Variants in FUCA2 observed in about 807,000 individuals in gnomAD.
FUCA2 encodes the protein alpha-L-fucosidase 2, also known as plasma alpha-L-fucosidase.
FUCA2 carries 41 observed loss-of-function variants against 52.6 expected under a neutral mutation model. The ratio of observed to expected loss-of-function variants is 0.78; its 90% CI spans 0.61 to 1.01. The LOEUF (loss-of-function observed/expected upper bound fraction) is 1.01, where lower values mean the gene tolerates loss of function less well. Ranked by LOEUF, FUCA2 falls within the 50% of genes least tolerant of loss-of-function variation. The probability of loss-of-function intolerance (pLI) is 0.00; values close to 1 mark genes in which losing one functional copy is unlikely to be tolerated. For missense variants in FUCA2, 507 were observed against 569.5 expected (o/e 0.89, Z 1.12); for synonymous variants, 211 against 217.3 (o/e 0.97, Z 0.26).
chr6:143,495,545 T>A lies in FUCA2; in HGVS notation c.*162A>T. On this transcript the variant is annotated 3_prime_UTR_variant, in exon 7 of 7. Transcript: ENST00000002165. The surrounding 1 kb of genome is among the most constrained non-coding windows in gnomAD (Gnocchi z 5.2). Reference sequence around the variant, plus strand: ...TGGAGAGTTAAAATGGTTACATGGGTAATTTAAGAAAAAATTTAGTGGGAA... The same window carrying A: ...TGGAGAGTTAAAATGGTTACATGGGAAATTTAAGAAAAAATTTAGTGGGAA... The A allele has an allele frequency of 1.6e-6, 1 of 639,262 alleles. No homozygotes were observed. 39.6% of individuals were successfully genotyped at this position (639,262 alleles called of 1,614,324 possible). A position where few individuals can be genotyped will look rare whatever the true frequency, so the allele number is the denominator to read the frequency against.
intron 5 of FUCA2, among the ~76,000 whole-genome samples, chr6:143,498,182 T>G (rs1370934038): frequency 1.3e-5 from 2 of 149,404 alleles, no homozygotes; most frequent in Non-Finnish European, 3.0e-5. Context: ...AAAAAAAAAG[T>G]GGATTTCATT....
intron 6 of FUCA2, among the ~76,000 whole-genome samples, chr6:143,496,108 A>C (rs17072691): frequency 0.018 from 2,795 of 152,244 alleles, 109 homozygotes; most frequent in South Asian, 0.075. Flanking sequence ...GACTGAATGG[A>C]GTCTCAGAGT....
rs1346986494 is a variant in FUCA2 at position 143,499,568 on chromosome 6, G to A, written c.1155-2071C>T. Among the ~76,000 whole-genome samples, 1 of 152,086 alleles carries A rather than the reference G, an allele frequency of 6.6e-6. No individual in the cohort carries two copies. The highest frequency in any genetic ancestry group is 6.6e-5 in the Admixed American group (1 of 15,256). ...ATGGAAGTCCAAAGACTAAACCTCAGGGCACTTCAAGATTTAGAGGTTGGA... is the reference window on the plus strand; with the variant it reads ...ATGGAAGTCCAAAGACTAAACCTCAAGGCACTTCAAGATTTAGAGGTTGGA... On this transcript the variant is annotated intron_variant, in intron 5 of 6. Transcript: ENST00000002165. The surrounding 1 kb of genome is among the most constrained non-coding windows in gnomAD (Gnocchi z 6.0).
chr6:143,501,686 C>A lies in FUCA2; in HGVS notation c.1154+246G>T, dbSNP rs1365110089. On this transcript the variant is annotated intron_variant, in intron 5 of 6. Transcript: ENST00000002165. The surrounding 1 kb of genome is among the most constrained non-coding windows in gnomAD (Gnocchi z 6.1). ...TTTTCTAAGAGCTGAGTACTTTCAG[C>A]CAAAATTTGTCCACTACTGGGAGAT... 1.3e-5 allele frequency among the ~76,000 whole-genome samples: 2 copies of A among 152,140 alleles called. No individual in the cohort carries two copies. The highest frequency in any genetic ancestry group is 3.8e-4 in the East Asian group (2 of 5,204).
Position 143,503,618 on chromosome 6 carries a change from G to C in FUCA2, c.752+295C>G, listed in dbSNP as rs1488552305. ...CAGAATAGAGGCCATAAAGGACCAG[G>C]GTAGGAGAGAAAAAGGGGGGACCCA... On this transcript the variant is annotated intron_variant, in intron 3 of 6. Transcript: ENST00000002165. This position sits in a 1 kb window ranked among gnomAD's most constrained non-coding sequence, Gnocchi z 4.8. 1.0e-5 allele frequency: 3 copies of C among 301,454 alleles called. No individual in the cohort carries two copies. The highest frequency in any genetic ancestry group is 1.9e-5 in the Non-Finnish European group (3 of 161,706). 18.7% of individuals were successfully genotyped at this position (301,454 alleles called of 1,614,324 possible).
rs1209704395 is a variant in FUCA2 at position 143,510,764 on chromosome 6, T to C, written c.224+647A>G. 6.6e-6 allele frequency among the ~76,000 whole-genome samples: 1 copy of C among 152,168 alleles called. No homozygotes were observed. The highest frequency in any genetic ancestry group is 1.5e-5 in the Non-Finnish European group (1 of 68,030). Reference sequence around the variant, plus strand: ...AAGACATGTGCAACAGTTTAAGAAATTACATGCACATTTTCACATAGATCT... The same window carrying C: ...AAGACATGTGCAACAGTTTAAGAAACTACATGCACATTTTCACATAGATCT... On this transcript the variant is annotated intron_variant, in intron 1 of 6. Transcript: ENST00000002165. This position sits in a 1 kb window ranked among gnomAD's most constrained non-coding sequence, Gnocchi z 4.4.
chr6:143,503,204 A>T lies in FUCA2; in HGVS notation c.753-639T>A, dbSNP rs1256496555. ...TCCCTTGGAAGGAGTACCTGGACACACTGCTGTTTTAAGTATCAAGAGTTC... is the reference window on the plus strand; with the variant it reads ...TCCCTTGGAAGGAGTACCTGGACACTCTGCTGTTTTAAGTATCAAGAGTTC... On this transcript the variant is annotated intron_variant, in intron 3 of 6. Coordinates refer to ENST00000002165, the MANE Select transcript of FUCA2 (RefSeq NM_032020.5). This position sits in a 1 kb window ranked among gnomAD's most constrained non-coding sequence, Gnocchi z 4.8. 1 of 152,600 alleles carries T rather than the reference A, an allele frequency of 6.6e-6. No individual in the cohort carries two copies. Among genetic ancestry groups the T allele is most frequent in the Non-Finnish European group, 1.5e-5 (1 of 68,374 alleles). The allele number at this position is 152,600 out of a possible 1,614,324, so 9.5% of individuals were successfully genotyped here. A position where few individuals can be genotyped will look rare whatever the true frequency, so the allele number is the denominator to read the frequency against.
chr6:143,503,705 C>T lies in FUCA2; in HGVS notation c.752+208G>A. 4.1e-6 allele frequency: 2 copies of T among 483,316 alleles called. No homozygotes were observed. The highest frequency in any genetic ancestry group is 7.3e-6 in the Non-Finnish European group (2 of 275,586). The allele number at this position is 483,316 out of a possible 1,614,324, so 29.9% of individuals were successfully genotyped here. A position where few individuals can be genotyped will look rare whatever the true frequency, so the allele number is the denominator to read the frequency against. The stretch of plus-strand genomic sequence containing the variant: ...TTTTAGTCTGATCTCAAAATCAGAC[C>T]ATTGAGTTGGATTTTACTCCTGATT... On this transcript the variant is annotated intron_variant, in intron 3 of 6. Coordinates refer to ENST00000002165, the MANE Select transcript of FUCA2 (RefSeq NM_032020.5). This position sits in a 1 kb window ranked among gnomAD's most constrained non-coding sequence, Gnocchi z 4.8.
intron 6 of FUCA2, chr6:143,496,778 G>A (rs1014242365): frequency 3.3e-5 from 5 of 152,190 alleles, no homozygotes; most frequent in Middle Eastern, 3.4e-3. Flanking sequence ...GAAAGCATCC[G>A]AATTCTAGTT....
In FUCA2 at chr6:143,497,381, C is replaced by A. The variant is rs1472932999; in HGVS notation, c.1263+8G>T. ...AATTTAAAGGAATAAGGTAAAATTC[C>A]CTCTTACCTCTGTTGCCCCCAGAAT... On this transcript the variant is annotated splice_region_variant and intron_variant, in intron 6 of 6. Coordinates refer to ENST00000002165, the MANE Select transcript of FUCA2 (RefSeq NM_032020.5). This position sits in a 1 kb window ranked among gnomAD's most constrained non-coding sequence, Gnocchi z 5.3. 2.6e-6 allele frequency: 4 copies of A among 1,555,048 alleles called. No individual in the cohort carries two copies. Among genetic ancestry groups the A allele is most frequent in the Non-Finnish European group, 3.6e-6 (4 of 1,126,398 alleles).
Position 143,509,262 on chromosome 6 carries a change from T to G in FUCA2, c.225-1838A>C, listed in dbSNP as rs1358243118. 2.6e-5 allele frequency among the ~76,000 whole-genome samples: 4 copies of G among 152,206 alleles called. No homozygotes were observed. Among genetic ancestry groups the G allele is most frequent in the Non-Finnish European group, 5.9e-5 (4 of 68,034 alleles). ...CAGTCACATATACTCATCTATACTGTTGATTCCCCGAAAGTCAAATTGAGA... is the reference window on the plus strand; with the variant it reads ...CAGTCACATATACTCATCTATACTGGTGATTCCCCGAAAGTCAAATTGAGA... On this transcript the variant is annotated intron_variant, in intron 1 of 6. Coordinates refer to ENST00000002165, the MANE Select transcript of FUCA2 (RefSeq NM_032020.5). The surrounding 1 kb of genome is among the most constrained non-coding windows in gnomAD (Gnocchi z 5.4).
rs1780469143 is a variant in FUCA2 at position 143,497,010 on chromosome 6, G to A, written c.1263+379C>T. The A allele has an allele frequency of 6.4e-6, 1 of 155,454 alleles. No individual in the cohort carries two copies. 9.6% of individuals were successfully genotyped at this position (155,454 alleles called of 1,614,324 possible). On this transcript the variant is annotated intron_variant, in intron 6 of 6. Coordinates refer to ENST00000002165, the MANE Select transcript of FUCA2 (RefSeq NM_032020.5). The surrounding 1 kb of genome is among the most constrained non-coding windows in gnomAD (Gnocchi z 5.3). ...TTTTATTTTATTTTTTCAGAGACAG[G>A]CTGAAGTGGTGCAGTCATAGCTTAC...
intron 2 of FUCA2, chr6:143,505,246 T>C (rs1293525948): frequency 6.6e-6 from 1 of 151,998 alleles, no homozygotes; most frequent in Non-Finnish European, 1.5e-5. Flanking sequence ...ATAAGGTACA[T>C]TTGGTGAAAC....
chr6:143,497,329 T>A lies in FUCA2; in HGVS notation c.1263+60A>T, dbSNP rs148807439. On this transcript the variant is annotated intron_variant, in intron 6 of 6. Transcript: ENST00000002165. This position sits in a 1 kb window ranked among gnomAD's most constrained non-coding sequence, Gnocchi z 5.3. ...TTATAAGGCTCCCCTTAAAAGTTAA[T>A]GTTTGCATCAAGATGTTCTAATCAG... 8.3e-5 allele frequency: 89 copies of A among 1,067,408 alleles called. No individual in the cohort carries two copies. In the Middle Eastern group the frequency reaches 3.2e-3, roughly 38 times the overall value. The allele number at this position is 1,067,408 out of a possible 1,614,324, so 66.1% of individuals were successfully genotyped here.
Position 143,504,194 on chromosome 6 carries a change from G to C in FUCA2, c.471C>G (p.Pro157=). 2.5e-6 allele frequency: 4 copies of C among 1,614,110 alleles called. No homozygotes were observed. Among genetic ancestry groups the C allele is most frequent in the Non-Finnish European group, 3.4e-6 (4 of 1,180,014 alleles). ...CAAGTTCCTTGACAATGTCCCTCTT[G>C]GGCCCCTCATCTATGGCATTCCAGT... The part of the protein sequence containing the change: ...SWNWNAIDEG[P]KRDIVKELEV... Residue 157 remains proline (P), a synonymous_variant, in exon 3 of 7, where the codon CCC becomes CCG. Coordinates refer to ENST00000002165, the MANE Select transcript of FUCA2 (RefSeq NM_032020.5). This position sits in a 1 kb window ranked among gnomAD's most constrained non-coding sequence, Gnocchi z 4.4.
chr6:143,501,952 G>T lies in FUCA2; in HGVS notation c.1134C>A (p.Asp378Glu), dbSNP rs1441110244. The change falls in exon 5 of 7, where the codon GAC (aspartate) becomes GAA (glutamate). Residue 378 changes from aspartate (D) to glutamate (E), a missense_variant. By Grantham distance (45) the Asp-to-Glu change is conservative. Coordinates refer to ENST00000002165, the MANE Select transcript of FUCA2 (RefSeq NM_032020.5). The surrounding 1 kb of genome is among the most constrained non-coding windows in gnomAD (Gnocchi z 6.1). ...CTTACCACACATCTGGGGTGACAGT[G>T]TCATTCTGGGATCGCCAGGTATGGG... ...YETHTWRSQN[D>E]TVTPDVWYTS... 1 of 1,613,566 alleles carries T rather than the reference G, an allele frequency of 6.2e-7. No individual in the cohort carries two copies. The highest frequency in any genetic ancestry group is 8.5e-7 in the Non-Finnish European group (1 of 1,179,778).
In FUCA2 at chr6:143,510,068, T is replaced by C. The variant is rs1157192256; in HGVS notation, c.224+1343A>G. ...TAAGCTTCAAAGACAAGAAGTAGAATACTGTACAGAACTTGCTAAAATTTA... is the reference window on the plus strand; with the variant it reads ...TAAGCTTCAAAGACAAGAAGTAGAACACTGTACAGAACTTGCTAAAATTTA... On this transcript the variant is annotated intron_variant, in intron 1 of 6. Coordinates refer to ENST00000002165, the MANE Select transcript of FUCA2 (RefSeq NM_032020.5). The surrounding 1 kb of genome is among the most constrained non-coding windows in gnomAD (Gnocchi z 4.4). Among the ~76,000 whole-genome samples, 1 of 152,162 alleles carries C rather than the reference T, an allele frequency of 6.6e-6. No homozygotes were observed. The highest frequency in any genetic ancestry group is 2.4e-5 in the African/African-American group (1 of 41,434).
At position 143,502,551 on chromosome 6, in the gene FUCA2, G is replaced by A. The variant is rs1420550384; in HGVS notation, c.767C>T (p.Thr256Ile). 3 of 1,613,842 alleles carry A rather than the reference G, an allele frequency of 1.9e-6. No homozygotes were observed. The highest frequency in any genetic ancestry group is 1.1e-5 in the South Asian group (1 of 91,052). The change falls in exon 4 of 7, where the codon ACA (threonine) becomes ATA (isoleucine). Residue 256 changes from threonine (T) to isoleucine (I), a missense_variant. Thr to Ile is a moderately conservative substitution (Grantham distance 89). Coordinates refer to ENST00000002165, the MANE Select transcript of FUCA2 (RefSeq NM_032020.5). The surrounding 1 kb of genome is among the most constrained non-coding windows in gnomAD (Gnocchi z 4.1). ...TCCCCAACGATCATTGGTGACTACT[G>A]TGCCCCGAACTGGGCTGAAATGAAA... ...WLYNESPVRG[T>I]VVTNDRWGAG...
Position 143,499,216 on chromosome 6 carries a change from A to G in FUCA2, c.1155-1719T>C, listed in dbSNP as rs1780501608. ...CTGCACTGGAAATAGAAATGTGGAG[A>G]TCATCAATATGGCATTTAAAGCCAT... is the stretch of plus-strand genomic sequence containing the variant. On this transcript the variant is annotated intron_variant, in intron 5 of 6. Transcript: ENST00000002165. This position sits in a 1 kb window ranked among gnomAD's most constrained non-coding sequence, Gnocchi z 6.0. 6.6e-6 allele frequency among the ~76,000 whole-genome samples: 1 copy of G among 152,206 alleles called. No homozygotes were observed. The highest frequency in any genetic ancestry group is 1.5e-5 in the Non-Finnish European group (1 of 68,048).
Sources: allele counts gnomAD v4.1 joint callset (sites outside exome capture counted in the v4.1 genomes callset), GRCh38; gene constraint gnomAD v4.1.1; non-coding constraint Gnocchi (gnomAD v3.1); transcripts MANE v1.5; gene names NCBI Gene and HGNC (gene_info 2026-07-23, HGNC 2026-07-21).